SEMA3C: variants seen among roughly 807,000 people sequenced by gnomAD.
SEMA3C encodes semaphorin 3C.
A neutral mutation model predicts 89.4 loss-of-function variants in SEMA3C; 47 were observed. The ratio of observed to expected loss-of-function variants is 0.53; its 90% CI spans 0.42 to 0.67. SEMA3C has a LOEUF of 0.67. Among genes scored for constraint, SEMA3C ranks in the 30% least tolerant of loss-of-function variants. The probability of loss-of-function intolerance (pLI) is 0.00; values close to 1 mark genes in which losing one functional copy is unlikely to be tolerated. For synonymous variants in SEMA3C, 310 were observed against 320.2 expected (o/e 0.97, Z 0.34); for missense variants, 839 against 929.1 (o/e 0.90, Z 1.26).
chr7:80,820,917 A>G (rs984340794), intron 4 of SEMA3C, among the ~76,000 whole-genome samples: 4 of 152,300 alleles, frequency 2.6e-5, no homozygotes, highest in Admixed American at 6.5e-5. Flanking sequence ...CAATTCCTTT[A>G]ATAACAGGTT....
chr7:80,886,167 C>G (rs2116124535), intron 2 of SEMA3C, among the ~76,000 whole-genome samples: 1 of 152,000 alleles, frequency 6.6e-6, no homozygotes, highest in Non-Finnish European at 1.5e-5. Context: ...GACCAATCAG[C>G]AAATTAATTT....
chr7:80,902,986 C>T (rs112316107), intron 2 of SEMA3C, among the ~76,000 whole-genome samples: 5 of 152,282 alleles, frequency 3.3e-5, no homozygotes, highest in African/African-American at 9.6e-5. Flanking sequence ...ACCTTATGAT[C>T]CTGGAACTGA....
intron 12 of SEMA3C, among the ~76,000 whole-genome samples, chr7:80,784,271 TA>T (rs562925081): frequency 4.3e-3 from 565 of 132,712 alleles, no homozygotes; most frequent in African/African-American, 9.4e-3. Flanking sequence ...TCCTCAAGAT[TA>T]AAAAAAAAAA....
At chr7:80,760,797 T>C (rs1788166483) in intron 14 of SEMA3C, among the ~76,000 whole-genome samples, 1 of 152,208 alleles carries the variant, frequency 6.6e-6, no homozygotes, top group African/African-American at 2.4e-5. Flanking sequence ...ACCTTACAAA[T>C]GTAGAAACTC....
chr7:80,918,626 T>C (rs942431914), intron 1 of SEMA3C, among the ~76,000 whole-genome samples: 1 of 152,126 alleles, frequency 6.6e-6, no homozygotes, highest in African/African-American at 2.4e-5. Context: ...ATACTCAACT[T>C]GAAACTCTCC....
At chr7:80,835,624 G>A (rs1400820946) in intron 2 of SEMA3C, among the ~76,000 whole-genome samples, 1 of 152,146 alleles carries the variant, frequency 6.6e-6, no homozygotes, top group Non-Finnish European at 1.5e-5. Context: ...AACTTCAGCG[G>A]ACTGAAACTA....
In SEMA3C at chr7:80,902,879, G is replaced by A. The variant is rs528158129; in HGVS notation, c.103+13800C>T. Among the ~76,000 whole-genome samples the A allele has an allele frequency of 4.9e-4, 75 of 152,200 alleles. 1 individual carries two copies. Among genetic ancestry groups the A allele is most frequent in the African/African-American group, 1.7e-3 (72 of 41,534 alleles). On this transcript the variant is annotated intron_variant, in intron 2 of 17. Transcript: ENST00000265361. ...ATTAGCCCATGGCTTTTCTGCCTAC[G>A]TGAAAACAGCAGGATTATAGTACAA... is the stretch of plus-strand genomic sequence containing the variant.
chr7:80,867,949 G>A (rs546802199), intron 2 of SEMA3C, among the ~76,000 whole-genome samples: 2 of 152,226 alleles, frequency 1.3e-5, no homozygotes, highest in South Asian at 4.1e-4. Flanking sequence ...TAAAGAGGAT[G>A]GCCATTTTTA....
intron 12 of SEMA3C, among the ~76,000 whole-genome samples, chr7:80,774,737 C>A (rs1481449141): frequency 6.6e-6 from 1 of 151,836 alleles, no homozygotes; most frequent in Non-Finnish European, 1.5e-5. Context: ...TGTTATCAAA[C>A]GGTCAACATA....
chr7:80,829,767 A>G (rs1789967430), intron 2 of SEMA3C, among the ~76,000 whole-genome samples: 1 of 152,138 alleles, frequency 6.6e-6, no homozygotes, highest in South Asian at 2.1e-4. Flanking sequence ...TTCATGATAC[A>G]TTCTCTGGTC....
At position 80,770,237 on chromosome 7, in the gene SEMA3C, G is replaced by C. The variant is rs567872192; in HGVS notation, c.1355-4994C>G. ...TTAAAATGTTAGTCATTGAGAGACA[G>C]GCATTCCAGAATGGCCATAAAACTC... is the stretch of plus-strand genomic sequence containing the variant. On this transcript the variant is annotated intron_variant, in intron 12 of 17. Coordinates refer to ENST00000265361, the MANE Select transcript of SEMA3C (RefSeq NM_006379.5). Among the ~76,000 whole-genome samples the C allele has an allele frequency of 2.0e-5, 3 of 152,306 alleles. No individual in the cohort carries two copies. In the South Asian group the frequency reaches 6.2e-4, roughly 32 times the overall value.
chr7:80,807,011 G>A (rs1483409061), intron 6 of SEMA3C, among the ~76,000 whole-genome samples: 1 of 152,012 alleles, frequency 6.6e-6, no homozygotes, highest in Non-Finnish European at 1.5e-5. Context: ...CTGCTTCCTA[G>A]TAGGGGTTCT....
chr7:80,800,743 T>C lies in SEMA3C; in HGVS notation c.986+14A>G. On this transcript the variant is annotated intron_variant, in intron 10 of 17. Transcript: ENST00000265361. The stretch of plus-strand genomic sequence containing the variant: ...TATTGTTTAACTCATAAAATGTAAC[T>C]GTTGAATAATTACCTTGATGTTGTA... 1 of 1,467,522 alleles carries C rather than the reference T, an allele frequency of 6.8e-7. No individual in the cohort carries two copies. Among genetic ancestry groups the C allele is most frequent in the Non-Finnish European group, 9.3e-7 (1 of 1,080,316 alleles). The allele number at this position is 1,467,522 out of a possible 1,614,324, so 90.9% of individuals were successfully genotyped here. A position where few individuals can be genotyped will look rare whatever the true frequency, so the allele number is the denominator to read the frequency against.
upstream of SEMA3C, chr7:80,919,311 G>C (rs1432629487): frequency 2.0e-6 from 2 of 985,294 alleles, no homozygotes; most frequent in East Asian, 2.3e-4. Context: ...GCGGCCGCAG[G>C]CTGGAGCCCT....
intron 2 of SEMA3C, among the ~76,000 whole-genome samples, chr7:80,851,235 G>A (rs12707040): frequency 0.26 from 39,296 of 151,776 alleles, 5,541 homozygotes; most frequent in African/African-American, 0.37. Flanking sequence ...GGCCTGGCAC[G>A]GTGTCTCATG....
chr7:80,763,287 A>G (rs1367775718), intron 13 of SEMA3C, among the ~76,000 whole-genome samples: 3 of 152,168 alleles, frequency 2.0e-5, no homozygotes, highest in African/African-American at 7.2e-5. Context: ...TAAATGCATT[A>G]TTTCCTCACA....
Position 80,810,715 on chromosome 7 carries a change from A to G in SEMA3C, c.448-14T>C. 1 of 1,587,552 alleles carries G rather than the reference A, an allele frequency of 6.3e-7. No homozygotes were observed. Among genetic ancestry groups the G allele is most frequent in the Non-Finnish European group, 8.6e-7 (1 of 1,156,780 alleles). On this transcript the variant is annotated splice_polypyrimidine_tract_variant and intron_variant, in intron 5 of 17. Transcript: ENST00000265361. ...GAAAACTTGGTCCTTTATTGTAGAT[A>G]AAATTTAAAATGTGGCAATGATAAC... is the stretch of plus-strand genomic sequence containing the variant.
At chr7:80,904,375 A>T (rs1420683231) in intron 2 of SEMA3C, among the ~76,000 whole-genome samples, 2 of 152,172 alleles carry the variant, frequency 1.3e-5, no homozygotes, top group Admixed American at 1.3e-4. Context: ...ATTCTTACAG[A>T]TATGTCATTA....
chr7:80,921,352 A>G (rs1792405582), upstream of SEMA3C, among the ~76,000 whole-genome samples: 1 of 152,182 alleles, frequency 6.6e-6, no homozygotes, highest in Admixed American at 6.5e-5. Context: ...GGCTTTAGCC[A>G]AGATAGATTC....
Sources: gnomAD v4.1 joint callset for allele counts (sites outside exome capture counted in the v4.1 genomes callset) on GRCh38, gnomAD v4.1.1 for gene constraint, MANE v1.5 for transcripts, NCBI Gene and HGNC (gene_info 2026-07-23, HGNC 2026-07-21) for gene names.